FRMD6: variants seen among roughly 807,000 people sequenced by gnomAD.
FRMD6 encodes the protein FERM domain containing 6.
In FRMD6, 37 loss-of-function variants were observed where a neutral mutation model predicts 73.2. The ratio of observed to expected loss-of-function variants is 0.51; its 90% confidence interval spans 0.39 to 0.66. The LOEUF is 0.66. FRMD6 is among the 30% of genes least tolerant of loss of function. The pLI is 0.00. For missense variants in FRMD6, 714 were observed against 780.5 expected (o/e 0.91, Z 1.02); for synonymous variants, 273 against 282.2 (o/e 0.97, Z 0.33).
intron 1 of FRMD6, among the ~76,000 whole-genome samples, chr14:51,567,800 T>C (rs953834183): frequency 1.3e-5 from 2 of 152,230 alleles, no homozygotes; most frequent in African/African-American, 4.8e-5. Flanking sequence ...ATTTCATATG[T>C]ACAGATTTTG....
At chr14:51,410,216 C>G in the FRMD6 span, among the ~76,000 whole-genome samples, 114 of 152,328 alleles carry the variant, frequency 7.5e-4, 1 homozygote, top group African/African-American at 2.7e-3. Context: ...AAGAATCTAG[C>G]ATTTGCTGAT....
intron 2 of FRMD6, among the ~76,000 whole-genome samples, chr14:51,691,874 C>T (rs1052853119): frequency 1.3e-5 from 2 of 151,978 alleles, no homozygotes; most frequent in Non-Finnish European, 1.5e-5. Context: ...GGATTACAGG[C>T]GTGAGCCATT....
chr14:51,676,836 A>G (rs1387801203), intron 1 of FRMD6, among the ~76,000 whole-genome samples: 2 of 152,122 alleles, frequency 1.3e-5, no homozygotes, highest in Admixed American at 6.6e-5. Flanking sequence ...CCACATTACA[A>G]TTTTGAAGTT....
chr14:51,566,338 A>G (rs1435278863), intron 1 of FRMD6, among the ~76,000 whole-genome samples: 2 of 152,248 alleles, frequency 1.3e-5, no homozygotes, highest in Admixed American at 1.3e-4. Context: ...ACAGTAAAGA[A>G]TCGATTGTCC....
At chr14:51,698,040 CT>C in intron 2 of FRMD6, 101 bp from the exon 3 acceptor site, 1 of 740,012 alleles carries the variant, frequency 1.4e-6, no homozygotes. Flanking sequence ...TCAGCTTGTC[CT>C]TTCAAGGAAT....
the FRMD6 span, among the ~76,000 whole-genome samples, chr14:51,404,753 A>G: frequency 2.0e-5 from 3 of 152,090 alleles, no homozygotes; most frequent in South Asian, 2.1e-4. Flanking sequence ...GTTTTAGTTG[A>G]TATACTATAT....
the FRMD6 span, among the ~76,000 whole-genome samples, chr14:51,412,160 A>T: frequency 1.3e-5 from 2 of 152,074 alleles, no homozygotes; most frequent in African/African-American, 4.8e-5. Flanking sequence ...TTTTTGTCGG[A>T]GGCTAACATG....
At chr14:51,495,505 G>C (rs1378549390) in intron 1 of FRMD6, among the ~76,000 whole-genome samples, 1 of 152,216 alleles carries the variant, frequency 6.6e-6, no homozygotes, top group Non-Finnish European at 1.5e-5. Context: ...TTGCCAGATT[G>C]ATTTCCTCAG....
At chr14:51,470,479 A>T in the FRMD6 span, among the ~76,000 whole-genome samples, 1 of 152,058 alleles carries the variant, frequency 6.6e-6, no homozygotes, top group Non-Finnish European at 1.5e-5. Context: ...CAATCTGGGC[A>T]ACAGAGCGAG....
chr14:51,661,120 T>C (rs1025955360), intron 1 of FRMD6, among the ~76,000 whole-genome samples: 1 of 152,180 alleles, frequency 6.6e-6, no homozygotes, highest in Non-Finnish European at 1.5e-5. Context: ...TGCATTTTAA[T>C]AGAATCACTG....
intron 2 of FRMD6, chr14:51,643,767 G>C (rs1272551569): frequency 1.3e-5 from 2 of 152,250 alleles, no homozygotes; most frequent in Non-Finnish European, 2.9e-5. Flanking sequence ...ACCTTGGATG[G>C]AGGTGGCGGA....
chr14:51,480,212 A>G, the FRMD6 span, among the ~76,000 whole-genome samples: 1 of 152,182 alleles, frequency 6.6e-6, no homozygotes, highest in Non-Finnish European at 1.5e-5. Context: ...AAAACAGCAG[A>G]GCAATGAAAA....
the FRMD6 span, among the ~76,000 whole-genome samples, chr14:51,470,507 ACC>A: frequency 8.1e-4 from 118 of 146,514 alleles, no homozygotes; most frequent in African/African-American, 2.3e-3. Flanking sequence ...CTCAAAAAAA[ACC>A]AAAAAAAAAC....
the FRMD6 span, among the ~76,000 whole-genome samples, chr14:51,402,934 A>G: frequency 6.6e-6 from 1 of 151,878 alleles, no homozygotes; most frequent in Non-Finnish European, 1.5e-5. Flanking sequence ...CACCGCGCCC[A>G]GCTAGGGTAT....
chr14:51,642,311 G>C (rs1451029735), intron 2 of FRMD6, among the ~76,000 whole-genome samples: 3 of 152,168 alleles, frequency 2.0e-5, no homozygotes, highest in African/African-American at 4.8e-5. Flanking sequence ...AGGCCAAGGT[G>C]GGGGCATCAC....
intron 2 of FRMD6, among the ~76,000 whole-genome samples, chr14:51,611,258 G>T (rs1890484905): frequency 6.6e-6 from 1 of 152,258 alleles, no homozygotes; most frequent in Admixed American, 6.5e-5. Flanking sequence ...GTATTATGGG[G>T]TCTTATTTTA....
chr14:51,616,445 G>C (rs1229033644), intron 2 of FRMD6, among the ~76,000 whole-genome samples: 3 of 152,150 alleles, frequency 2.0e-5, no homozygotes, highest in East Asian at 3.8e-4. Context: ...GCTGTGGAGG[G>C]GAATGGACAA....
chr14:51,487,245 G>A (rs999891139), upstream of FRMD6, among the ~76,000 whole-genome samples: 4 of 152,160 alleles, frequency 2.6e-5, no homozygotes, highest in African/African-American at 4.8e-5. Context: ...TACAGTCCCT[G>A]TAAATGAATT....
the FRMD6 span, among the ~76,000 whole-genome samples, chr14:51,408,138 A>G: frequency 1.3e-4 from 20 of 151,022 alleles, no homozygotes; most frequent in Non-Finnish European, 2.4e-4. Flanking sequence ...TTTTATTAGT[A>G]TTGGAAAATT....
Sources: gnomAD v4.1 joint callset for allele counts (sites outside exome capture counted in the v4.1 genomes callset) on GRCh38, gnomAD v4.1.1 for gene constraint, MANE v1.5 for transcripts, NCBI Gene and HGNC (gene_info 2026-07-23, HGNC 2026-07-21) for gene names.